PRMT8: variants seen among roughly 807,000 people sequenced by gnomAD.
The protein encoded by PRMT8 is protein arginine methyltransferase 8, also known as protein arginine N-methyltransferase 8.
A neutral mutation model predicts 47.1 loss-of-function variants in PRMT8; 7 were observed. The observed-to-expected ratio is 0.15, with a 90% confidence interval of 0.08 to 0.28. The LOEUF (loss-of-function observed/expected upper bound fraction) is 0.28, where lower values mean the gene tolerates loss of function less well. Ranked by LOEUF, PRMT8 falls within the 10% of genes least tolerant of loss-of-function variation. The pLI, the probability that PRMT8 is intolerant of heterozygous loss-of-function variation, is 1.00. For synonymous variants in PRMT8, 188 were observed against 186.5 expected (o/e 1.01, Z -0.07); for missense variants, 237 against 505.4 (o/e 0.47, Z 5.09).
rs140949696 is a variant in PRMT8, at chr12:3,528,195, T to C, written c.76-12411T>C. ...TGGGGTTTTCAGATCTGTGGGTTTA[T>C]GATTTTCATCAATTTGGAAGATGAA... On this transcript the variant is annotated intron_variant, in intron 1 of 9. Transcript: ENST00000382622. Among the ~76,000 whole-genome samples the C allele has an allele frequency of 3.1e-3, 466 of 152,336 alleles. 12 individuals carry two copies. Among genetic ancestry groups the C allele is most frequent in the East Asian group, 0.024 (123 of 5,194 alleles).
At chr12:3,558,966 C>G (rs1866581060) in intron 4 of PRMT8, among the ~76,000 whole-genome samples, 1 of 141,136 alleles carries the variant, frequency 7.1e-6, no homozygotes, top group Admixed American at 6.9e-5. Flanking sequence ...ATCTACCTAT[C>G]TATCTATCTA....
chr12:3,560,761 A>G (rs1285377479), intron 4 of PRMT8, among the ~76,000 whole-genome samples: 1 of 152,204 alleles, frequency 6.6e-6, no homozygotes, highest in African/African-American at 2.4e-5. Flanking sequence ...GACATGAGGT[A>G]GTGGCAAGGG....
Position 3,569,102 on chromosome 12 carries a change from C to T in PRMT8, c.624+254C>T, listed in dbSNP as rs1866794893. On this transcript the variant is annotated intron_variant, in intron 5 of 9. Coordinates refer to ENST00000382622, the MANE Select transcript of PRMT8 (RefSeq NM_019854.5). This position sits in a 1 kb window ranked among gnomAD's most constrained non-coding sequence, Gnocchi z 8.2. ...TCTTTTGCAATAACAGACATCCGTT[C>T]TCTCTTGTCGAGTTAAAGGTCCGTT... 6.6e-6 allele frequency among the ~76,000 whole-genome samples: 1 copy of T among 152,198 alleles called. No individual in the cohort carries two copies. Among genetic ancestry groups the T allele is most frequent in the Non-Finnish European group, 1.5e-5 (1 of 68,042 alleles).
chr12:3,493,746 C>A lies in PRMT8; in HGVS notation c.75+2046C>A, dbSNP rs1327789530. ...CACATGCCAGCTCTGCTGAAGGCAT[C>A]AATGAAAACAGCAGTAGGGGCGGCC... On this transcript the variant is annotated intron_variant, in intron 1 of 9. Transcript: ENST00000382622. The surrounding 1 kb of genome is among the most constrained non-coding windows in gnomAD (Gnocchi z 8.2). Among the ~76,000 whole-genome samples the A allele has an allele frequency of 6.6e-6, 1 of 152,258 alleles. No individual in the cohort carries two copies. The highest frequency in any genetic ancestry group is 1.5e-5 in the Non-Finnish European group (1 of 68,052).
intron 1 of PRMT8, among the ~76,000 whole-genome samples, chr12:3,397,652 T>A (rs1864269385): frequency 6.6e-6 from 1 of 152,082 alleles, no homozygotes; most frequent in African/African-American, 2.4e-5. Context: ...CAGAGGTTAC[T>A]GCTGTCTTTT....
chr12:3,434,542 C>T (rs1864717016), intron 1 of PRMT8, among the ~76,000 whole-genome samples: 1 of 152,146 alleles, frequency 6.6e-6, no homozygotes, highest in Non-Finnish European at 1.5e-5. Flanking sequence ...GCACAGCGTC[C>T]AGATCCCCTA....
chr12:3,575,693 G>A (rs971193583), intron 6 of PRMT8, among the ~76,000 whole-genome samples: 2 of 152,214 alleles, frequency 1.3e-5, no homozygotes, highest in Non-Finnish European at 2.9e-5. Context: ...ATTAAATGAA[G>A]AGTCTGGCCT....
rs568182892 is a variant in PRMT8, at chr12:3,431,267, G to T, written c.48+49825G>T. 1.2e-4 allele frequency among the ~76,000 whole-genome samples: 19 copies of T among 152,142 alleles called. No individual in the cohort carries two copies. In the South Asian group the frequency reaches 2.9e-3, roughly 23 times the overall value. On this transcript the variant is annotated intron_variant, in intron 1 of 9. Transcript: ENST00000452611. ...AGCAGTGGTTTGACTTGACCAGGGTGGGGGCCTGATCCAAAGCAGTGAGAG... is the reference window on the plus strand; with the variant it reads ...AGCAGTGGTTTGACTTGACCAGGGTTGGGGCCTGATCCAAAGCAGTGAGAG...
At chr12:3,420,046 AG>A (rs1864525121) in intron 1 of PRMT8, among the ~76,000 whole-genome samples, 1 of 150,582 alleles carries the variant, frequency 6.6e-6, no homozygotes, top group Non-Finnish European at 1.5e-5. Flanking sequence ...AGAGAGAGAG[AG>A]AGAGAGAGAG....
At chr12:3,450,928 G>C (rs1398975884) in intron 1 of PRMT8, among the ~76,000 whole-genome samples, 1 of 149,198 alleles carries the variant, frequency 6.7e-6, no homozygotes, top group African/African-American at 2.5e-5. Flanking sequence ...CTAAGGCAAA[G>C]CAGTTTCACC....
At chr12:3,498,450 G>C (rs1162207884) in intron 1 of PRMT8, among the ~76,000 whole-genome samples, 1 of 152,168 alleles carries the variant, frequency 6.6e-6, no homozygotes, top group Admixed American at 6.5e-5. Context: ...TTTCCAGGAC[G>C]TCTTTTCTTG....
At chr12:3,542,634 C>A (rs1591593987) in intron 2 of PRMT8, among the ~76,000 whole-genome samples, 2 of 152,350 alleles carry the variant, frequency 1.3e-5, no homozygotes, top group Admixed American at 1.3e-4. Context: ...CTGCCCAGAA[C>A]TCCCCCATTA....
At chr12:3,589,482 G>A (rs982737242) in intron 8 of PRMT8, among the ~76,000 whole-genome samples, 4 of 152,142 alleles carry the variant, frequency 2.6e-5, no homozygotes, top group African/African-American at 9.7e-5. Context: ...AGGAGGTCAG[G>A]AGATGCACTG....
chr12:3,550,469 T>A lies in PRMT8; in HGVS notation c.417+378T>A. The A allele has an allele frequency of 4.6e-6, 1 of 217,306 alleles. No individual in the cohort carries two copies. The highest frequency in any genetic ancestry group is 9.5e-6 in the Non-Finnish European group (1 of 105,784). The allele number at this position is 217,306 out of a possible 1,614,324, so 13.5% of individuals were successfully genotyped here. On this transcript the variant is annotated intron_variant, in intron 3 of 9. Transcript: ENST00000382622. The surrounding 1 kb of genome is among the most constrained non-coding windows in gnomAD (Gnocchi z 5.1). Reference sequence around the variant, plus strand: ...CACTAGGCATGTGACCTTGGACTATTCACTTCCCTGCACCTCACTTTTTCT... The same window carrying A: ...CACTAGGCATGTGACCTTGGACTATACACTTCCCTGCACCTCACTTTTTCT...
chr12:3,438,277 A>G (rs1398612448), intron 1 of PRMT8, among the ~76,000 whole-genome samples: 2 of 152,210 alleles, frequency 1.3e-5, no homozygotes, highest in South Asian at 4.1e-4. Flanking sequence ...CCGTTTAGTC[A>G]TTCGCGGTTT....
chr12:3,461,716 T>TA, intron 1 of PRMT8, among the ~76,000 whole-genome samples: 1 of 150,184 alleles, frequency 6.7e-6, no homozygotes, highest in African/African-American at 2.5e-5. Flanking sequence ...GGCCATTCGT[T>TA]TATTTACTCT....
Position 3,557,798 on chromosome 12 carries a change from A to G in PRMT8, c.481+4084A>G, listed in dbSNP as rs1866553690. ...TGCAGAAGCACCAGGAGTGCTGCTG[A>G]GCCTGAAAGCCTGTTGGGAGGGGAG... On this transcript the variant is annotated intron_variant, in intron 4 of 9. Coordinates refer to ENST00000382622, the MANE Select transcript of PRMT8 (RefSeq NM_019854.5). The surrounding 1 kb of genome is among the most constrained non-coding windows in gnomAD (Gnocchi z 4.7). Among the ~76,000 whole-genome samples, 1 of 151,826 alleles carries G rather than the reference A, an allele frequency of 6.6e-6. No homozygotes were observed. Among genetic ancestry groups the G allele is most frequent in the Non-Finnish European group, 1.5e-5 (1 of 67,956 alleles).
chr12:3,415,182 C>A (rs1437353815), intron 1 of PRMT8, among the ~76,000 whole-genome samples: 1 of 152,078 alleles, frequency 6.6e-6, no homozygotes, highest in African/African-American at 2.4e-5. Flanking sequence ...ATTGTAAGGG[C>A]TATCACAAAG....
intron 1 of PRMT8, among the ~76,000 whole-genome samples, chr12:3,499,193 C>CTTTT (rs57788869): frequency 8.2e-6 from 1 of 122,252 alleles, no homozygotes; most frequent in African/African-American, 3.2e-5. Context: ...TTTTTCCTTT[C>CTTTT]TTTTTTTTTT....
Sources: allele counts gnomAD v4.1 joint callset (sites outside exome capture counted in the v4.1 genomes callset), GRCh38; gene constraint gnomAD v4.1.1; non-coding constraint Gnocchi (gnomAD v3.1); transcripts MANE v1.5; gene names NCBI Gene and HGNC (gene_info 2026-07-23, HGNC 2026-07-21).